Variants in CCDC30 observed in about 807,000 individuals in gnomAD.
The protein encoded by CCDC30 is coiled-coil domain-containing protein 30.
Under a neutral mutation model 100.2 loss-of-function variants are expected in CCDC30, and 70 were observed. The observed-to-expected ratio is 0.70, with a 90% CI of 0.58 to 0.85. The LOEUF is 0.85. CCDC30 is among the 40% of genes least tolerant of loss of function. CCDC30 has a pLI of 0.00. For synonymous variants in CCDC30, 233 were observed against 269.5 expected (o/e 0.86, Z 1.33); for missense variants, 652 against 771.2 (o/e 0.85, Z 1.83).
chr1:42,565,958 A>T (rs1314101179), intron 6 of CCDC30, among the ~76,000 whole-genome samples: 1 of 152,100 alleles, frequency 6.6e-6, no homozygotes, highest in Non-Finnish European at 1.5e-5. Context: ...ACTTCTTAAC[A>T]TATGGACTCT....
intron 3 of CCDC30, among the ~76,000 whole-genome samples, chr1:42,489,037 T>C (rs989205402): frequency 6.6e-6 from 1 of 152,192 alleles, no homozygotes; most frequent in Admixed American, 6.5e-5. Flanking sequence ...CTACCTCCTA[T>C]ATTACTCGTC....
At chr1:42,509,248 A>G (rs1644441590) in intron 6 of CCDC30, among the ~76,000 whole-genome samples, 1 of 152,204 alleles carries the variant, frequency 6.6e-6, no homozygotes, top group Non-Finnish European at 1.5e-5. Context: ...TGTGATTTAC[A>G]GTTTATAGTC....
intron 6 of CCDC30, among the ~76,000 whole-genome samples, chr1:42,539,549 A>G (rs893294289): frequency 2.0e-5 from 3 of 152,192 alleles, no homozygotes; most frequent in Admixed American, 6.5e-5. Flanking sequence ...AAATTTTTTT[A>G]CTTTAAATCA....
At chr1:42,468,986 T>A in intron 1 of CCDC30, among the ~76,000 whole-genome samples, 3 of 146,404 alleles carry the variant, frequency 2.0e-5, no homozygotes, top group African/African-American at 5.1e-5. Context: ...GACATAGGAG[T>A]CAAAACAGGA....
At chr1:42,523,036 G>C (rs1454340998) in intron 6 of CCDC30, among the ~76,000 whole-genome samples, 1 of 151,842 alleles carries the variant, frequency 6.6e-6, no homozygotes, top group Non-Finnish European at 1.5e-5. Context: ...CACCATGTTG[G>C]CTAGGCTGGT....
intron 7 of CCDC30, among the ~76,000 whole-genome samples, chr1:42,574,406 T>C (rs2809648): frequency 0.61 from 91,732 of 151,136 alleles, 28,364 homozygotes; most frequent in East Asian, 0.81. Flanking sequence ...AATCTTGTCT[T>C]CTTTTTAAAA....
At chr1:42,645,702 T>C (rs145719155) in intron 14 of CCDC30, among the ~76,000 whole-genome samples, 1 of 152,082 alleles carries the variant, frequency 6.6e-6, no homozygotes, top group African/African-American at 2.4e-5. Context: ...AAAGTAGAAC[T>C]GCCAAGTAGT....
chr1:42,489,657 A>G lies in CCDC30; in HGVS notation c.170-501A>G, dbSNP rs1644106688. ...ACCTGAAGTAGAGAGCCCAAATCCA[A>G]TAGTCTTCCTAAATATCACTGTGCC... On this transcript the variant is annotated intron_variant, in intron 3 of 16. Transcript: ENST00000668663. Among the ~76,000 whole-genome samples the G allele has an allele frequency of 2.0e-5, 3 of 152,318 alleles. 1 individual carries two copies. The highest frequency in any genetic ancestry group is 3.9e-4 in the East Asian group (2 of 5,190).
intron 16 of CCDC30, 117 bp downstream of exon 20, chr1:42,653,560 CTGGGG>C: frequency 1.4e-6 from 1 of 709,698 alleles, no homozygotes; most frequent in Non-Finnish European, 2.5e-6. Context: ...GCATAGCTTT[CTGGGG>C]TCATTTTCTC....
chr1:42,597,378 T>C (rs550671347), intron 10 of CCDC30, among the ~76,000 whole-genome samples: 1 of 151,948 alleles, frequency 6.6e-6, no homozygotes, highest in Admixed American at 6.6e-5. Flanking sequence ...AATTTTCAAA[T>C]GACAGAAAAT....
chr1:42,518,020 A>T (rs543764330), intron 6 of CCDC30, among the ~76,000 whole-genome samples: 18 of 152,130 alleles, frequency 1.2e-4, no homozygotes, highest in African/African-American at 3.4e-4. Flanking sequence ...ATATTGTTGG[A>T]ATTTTGATAG....
chr1:42,481,615 A>G (rs1415378062), intron 2 of CCDC30, among the ~76,000 whole-genome samples: 9 of 150,822 alleles, frequency 6.0e-5, no homozygotes, highest in Non-Finnish European at 1.3e-4. Context: ...TTGGGACTAT[A>G]CATATTTTTT....
At chr1:42,491,960 G>A in intron 4 of CCDC30, 6 of 897,164 alleles carry the variant, frequency 6.7e-6, no homozygotes, top group South Asian at 1.8e-5. Context: ...TTGCTGATCT[G>A]CAGAATGATG....
At chr1:42,568,054 G>A (rs767061062) in intron 7 of CCDC30, among the ~76,000 whole-genome samples, 1 of 152,070 alleles carries the variant, frequency 6.6e-6, no homozygotes, top group Non-Finnish European at 1.5e-5. Flanking sequence ...CTTTGGCCAG[G>A]CACCTATGAA....
At chr1:42,620,596 A>C (rs1646812176) in intron 11 of CCDC30, among the ~76,000 whole-genome samples, 1 of 151,890 alleles carries the variant, frequency 6.6e-6, no homozygotes, top group Non-Finnish European at 1.5e-5. Flanking sequence ...AAAAAAAAAA[A>C]AGTAACTTGT....
intron 6 of CCDC30, among the ~76,000 whole-genome samples, chr1:42,538,639 G>C (rs1394291058): frequency 1.3e-5 from 2 of 152,138 alleles, no homozygotes; most frequent in African/African-American, 4.8e-5. Context: ...AAAAACCACA[G>C]AGTTTAAAGT....
At position 42,564,546 on chromosome 1, in the gene CCDC30, G is replaced by A. The variant is rs193050710; in HGVS notation, c.457-1750G>A. 7.5e-3 allele frequency among the ~76,000 whole-genome samples: 771 copies of A among 102,158 alleles called. 7 individuals are homozygous for A. Among genetic ancestry groups the A allele is most frequent in the African/African-American group, 0.028 (744 of 26,384 alleles). 67.0% of individuals were successfully genotyped at this position (102,158 alleles called of 152,430 possible). A position where few individuals can be genotyped will look rare whatever the true frequency, so the allele number is the denominator to read the frequency against. On this transcript the variant is annotated intron_variant, in intron 6 of 16. Transcript: ENST00000668663. ...CTCCCAAAGTGCTAGCATTACAGGC[G>A]TGAGCCACCACGCCCAGCCTATTCA...
In CCDC30 at chr1:42,545,669, G is replaced by A. The variant is rs115779976; in HGVS notation, c.457-20627G>A. 4.6e-3 allele frequency: 5,360 copies of A among 1,162,160 alleles called. 15 individuals are homozygous for A. The highest frequency in any genetic ancestry group is 5.5e-3 in the Non-Finnish European group (4,560 of 824,638). The allele number at this position is 1,162,160 out of a possible 1,614,324, so 72.0% of individuals were successfully genotyped here. A position where few individuals can be genotyped will look rare whatever the true frequency, so the allele number is the denominator to read the frequency against. On this transcript the variant is annotated intron_variant, in intron 6 of 16. Transcript: ENST00000668663. ...CATTATAAGAATTTGACATTCGGCT[G>A]GGTGCAGTGGCTTAAGTCTGTAATC...
At chr1:42,637,434 T>G (rs1195266714) in intron 12 of CCDC30, 56 bp downstream of exon 16, 1 of 1,528,260 alleles carries the variant, frequency 6.5e-7, no homozygotes, top group Non-Finnish European at 8.9e-7. Context: ...GTCAGCCATT[T>G]GGAGAAAGCC....
Sources: gnomAD v4.1 joint callset for allele counts (sites outside exome capture counted in the v4.1 genomes callset) on GRCh38, gnomAD v4.1.1 for gene constraint, MANE v1.5 for transcripts, NCBI Gene and HGNC (gene_info 2026-07-23, HGNC 2026-07-21) for gene names.